Variants in NRG1 observed in about 807,000 individuals in gnomAD.
NRG1 encodes the protein neuregulin 1, also known as pro-neuregulin-1, membrane-bound isoform.
NRG1 carries 18 observed loss-of-function variants against 63.8 expected under a neutral mutation model. The observed-to-expected ratio is 0.28, with a 90% confidence interval of 0.19 to 0.42. The LOEUF (loss-of-function observed/expected upper bound fraction) is 0.42. Among genes scored for constraint, NRG1 ranks in the 10% least tolerant of loss-of-function variants. NRG1 has a pLI of 1.00. For synonymous variants in NRG1, 302 were observed against 301.3 expected (o/e 1.00, Z -0.02); for missense variants, 762 against 814.7 (o/e 0.94, Z 0.79).
chr8:31,850,388 C>T (rs1435782083), intron 1 of NRG1, among the ~76,000 whole-genome samples: 1 of 152,084 alleles, frequency 6.6e-6, no homozygotes, highest in African/African-American at 2.4e-5. Context: ...ACTTAGGTTC[C>T]CCCTGTGGTT....
rs1181009401 is a variant in NRG1 at position 31,917,691 on chromosome 8, T to G, written c.37+278260T>G. Among the ~76,000 whole-genome samples the G allele has an allele frequency of 1.0e-4, 15 of 148,480 alleles. No homozygotes were observed. The Admixed American group carries it at 1.0e-3, about 10-fold the overall frequency. On this transcript the variant is annotated intron_variant, in intron 1 of 10. Coordinates refer to the NRG1 transcript ENST00000519301. ...TTAGGATGGACTTGGCGATGCAGAC[T>G]CTTTTTTGGTTCCATATGAACTTTA...
chr8:31,805,418 A>G (rs1311043465), intron 1 of NRG1, among the ~76,000 whole-genome samples: 1 of 152,142 alleles, frequency 6.6e-6, no homozygotes, highest in East Asian at 1.9e-4. Context: ...CTCTCATGAA[A>G]ATAGAGTAGA....
At chr8:31,648,644 G>A (rs994401671) in intron 1 of NRG1, among the ~76,000 whole-genome samples, 2 of 152,056 alleles carry the variant, frequency 1.3e-5, no homozygotes, top group Non-Finnish European at 2.9e-5. Context: ...CATTTAAGTG[G>A]AATCATATGG....
intron 1 of NRG1, among the ~76,000 whole-genome samples, chr8:32,248,848 T>C (rs1172840060): frequency 6.6e-6 from 1 of 152,108 alleles, no homozygotes; most frequent in African/African-American, 2.4e-5. Flanking sequence ...AACAGCTATT[T>C]TTACTAAATC....
chr8:32,239,277 T>TA (rs34909373), intron 1 of NRG1, among the ~76,000 whole-genome samples: 95 of 144,410 alleles, frequency 6.6e-4, no homozygotes, highest in Admixed American at 1.4e-3. Context: ...AGATGAGCTT[T>TA]AAAAAAAAAA....
chr8:32,609,552 C>T (rs1173512093), intron 3 of NRG1, among the ~76,000 whole-genome samples: 2 of 83,174 alleles, frequency 2.4e-5, no homozygotes, highest in African/African-American at 4.4e-5. Context: ...CCTTCCCTCC[C>T]TCCTTCCTTC....
intron 1 of NRG1, among the ~76,000 whole-genome samples, chr8:32,202,916 C>T (rs1843640200): frequency 6.6e-6 from 1 of 151,662 alleles, no homozygotes; most frequent in Non-Finnish European, 1.5e-5. Context: ...ACAGGAATGC[C>T]TGTTCTCACT....
At chr8:32,073,204 C>T (rs571731230) in intron 1 of NRG1, among the ~76,000 whole-genome samples, 2 of 152,146 alleles carry the variant, frequency 1.3e-5, no homozygotes, top group South Asian at 2.1e-4. Context: ...CTTGTCATTA[C>T]AGCATTAAGC....
At chr8:32,380,058 C>A (rs1214109127) in intron 1 of NRG1, among the ~76,000 whole-genome samples, 1 of 152,126 alleles carries the variant, frequency 6.6e-6, no homozygotes, top group Non-Finnish European at 1.5e-5. Flanking sequence ...TTGTCATCAC[C>A]ATCTCCACTT....
intron 1 of NRG1, among the ~76,000 whole-genome samples, chr8:31,835,558 G>T (rs948124593): frequency 6.6e-6 from 1 of 152,290 alleles, no homozygotes; most frequent in African/African-American, 2.4e-5. Flanking sequence ...ATCAGACCCA[G>T]GTGAGTGGAT....
chr8:32,648,308 C>T (rs757754362), intron 5 of NRG1: 2 of 1,614,066 alleles, frequency 1.2e-6, no homozygotes. Flanking sequence ...CCACCCGGAA[C>T]CCTGAGGTGA....
chr8:31,653,191 A>G (rs891300910), intron 1 of NRG1, among the ~76,000 whole-genome samples: 2 of 152,100 alleles, frequency 1.3e-5, no homozygotes, highest in South Asian at 4.2e-4. Flanking sequence ...TAAAGTTTCT[A>G]TAATGAATGC....
intron 1 of NRG1, among the ~76,000 whole-genome samples, chr8:32,466,242 GC>G (rs1823048111): frequency 6.6e-6 from 1 of 152,080 alleles, no homozygotes; most frequent in Non-Finnish European, 1.5e-5. Flanking sequence ...CAGGAGGATT[GC>G]TTGAGCCCAG....
At chr8:31,959,873 G>A (rs967191860) in intron 1 of NRG1, among the ~76,000 whole-genome samples, 13 of 149,490 alleles carry the variant, frequency 8.7e-5, no homozygotes, top group Non-Finnish European at 1.3e-4. Flanking sequence ...TGCCCAGGCC[G>A]GTCTTGAAGT....
intron 5 of NRG1, among the ~76,000 whole-genome samples, chr8:32,624,871 G>A (rs1848940529): frequency 6.6e-6 from 1 of 152,150 alleles, no homozygotes; most frequent in Non-Finnish European, 1.5e-5. Flanking sequence ...TGATTGAGGA[G>A]ATTTTGAAAA....
intron 1 of NRG1, among the ~76,000 whole-genome samples, chr8:31,934,051 C>A (rs1835082703): frequency 6.6e-6 from 1 of 152,102 alleles, no homozygotes; most frequent in African/African-American, 2.4e-5. Flanking sequence ...CAACCAGAAA[C>A]CTATTCACAT....
rs576856743 is a variant in NRG1 at position 32,172,489 on chromosome 8, G to A, written c.38-423339G>A. Among the ~76,000 whole-genome samples, 9 of 152,328 alleles carry A rather than the reference G, an allele frequency of 5.9e-5. No individual in the cohort carries two copies. The South Asian group carries it at 1.4e-3, about 25-fold the overall frequency. On this transcript the variant is annotated intron_variant, in intron 1 of 10. Coordinates refer to the NRG1 transcript ENST00000519301. Reference sequence around the variant, plus strand: ...TCCTTACCAGCAATGGAACAAAGCTGGATGGAGTATGACTTTGATGAGAGA... The same window carrying A: ...TCCTTACCAGCAATGGAACAAAGCTAGATGGAGTATGACTTTGATGAGAGA...
chr8:32,134,062 G>A (rs1217620054), intron 1 of NRG1, among the ~76,000 whole-genome samples: 1 of 152,084 alleles, frequency 6.6e-6, no homozygotes, highest in African/African-American at 2.4e-5. Context: ...TAGGTGGTTG[G>A]TTCTGCATCT....
chr8:32,350,048 G>A (rs775834236), intron 1 of NRG1, among the ~76,000 whole-genome samples: 7 of 152,248 alleles, frequency 4.6e-5, no homozygotes, highest in East Asian at 1.9e-4. Context: ...AATAGGAGGC[G>A]TGGGCAGCAG....
Sources: allele counts gnomAD v4.1 joint callset (sites outside exome capture counted in the v4.1 genomes callset), GRCh38; gene constraint gnomAD v4.1.1; transcripts MANE v1.5; gene names NCBI Gene and HGNC (gene_info 2026-07-23, HGNC 2026-07-21).